Variants in ENTREP2 observed in about 807,000 individuals in gnomAD.
ENTREP2 encodes the protein protein ENTREP2.
chr15:29,534,873 A>T, the ENTREP2 span, among the ~76,000 whole-genome samples: 1 of 152,262 alleles, frequency 6.6e-6, no homozygotes, highest in African/African-American at 2.4e-5. Context: ...AGACTGATGG[A>T]CTGATAAGTG....
the ENTREP2 span, among the ~76,000 whole-genome samples, chr15:29,302,427 G>C: frequency 1.3e-5 from 2 of 152,140 alleles, no homozygotes; most frequent in Non-Finnish European, 2.9e-5. Context: ...GGAAGATGCA[G>C]CTCACTCACA....
the ENTREP2 span, among the ~76,000 whole-genome samples, chr15:29,526,639 T>A: frequency 0.03 from 4,346 of 146,302 alleles, 83 homozygotes; most frequent in African/African-American, 0.067. Context: ...TATAAAAAAA[T>A]TTTTTTTTTT....
chr15:29,223,718 T>C, the ENTREP2 span, among the ~76,000 whole-genome samples: 1 of 151,024 alleles, frequency 6.6e-6, no homozygotes, highest in Non-Finnish European at 1.5e-5. Flanking sequence ...AGGGTGGGGG[T>C]GGAGGGAATG....
the ENTREP2 span, among the ~76,000 whole-genome samples, chr15:29,509,671 T>G: frequency 6.6e-4 from 100 of 152,264 alleles, no homozygotes; most frequent in Non-Finnish European, 1.2e-3. Flanking sequence ...CCATATTTAG[T>G]AAATGGTGTT....
the ENTREP2 span, among the ~76,000 whole-genome samples, chr15:29,202,185 A>G: frequency 1.3e-5 from 2 of 152,090 alleles, no homozygotes; most frequent in East Asian, 3.9e-4. Flanking sequence ...AGTTTTGTCA[A>G]TGTTGTTGAT....
chr15:29,630,928 C>T, the ENTREP2 span, among the ~76,000 whole-genome samples: 1,151 of 152,276 alleles, frequency 7.6e-3, 17 homozygotes, highest in African/African-American at 0.026. Flanking sequence ...GGTGATCCCC[C>T]GCCTCGGCCT....
the ENTREP2 span, among the ~76,000 whole-genome samples, chr15:29,414,634 A>G: frequency 6.6e-6 from 1 of 152,218 alleles, no homozygotes; most frequent in South Asian, 2.1e-4. Flanking sequence ...GCAGAAGGCA[A>G]GAAATAACTA....
At chr15:29,319,204 A>G in the ENTREP2 span, among the ~76,000 whole-genome samples, 1 of 152,244 alleles carries the variant, frequency 6.6e-6, no homozygotes, top group African/African-American at 2.4e-5. Context: ...ACTTCAGATG[A>G]ACGGAAATCT....
the ENTREP2 span, among the ~76,000 whole-genome samples, chr15:29,259,435 T>A: frequency 1.3e-5 from 2 of 152,116 alleles, no homozygotes; most frequent in African/African-American, 4.8e-5. Flanking sequence ...AGTACCTGCC[T>A]GAGAAAATTC....
the ENTREP2 span, among the ~76,000 whole-genome samples, chr15:29,262,823 C>T: frequency 6.6e-6 from 1 of 152,296 alleles, no homozygotes; most frequent in Admixed American, 6.5e-5. Context: ...AGTGGGCAGT[C>T]TTGGGGACTA....
At chr15:29,546,402 G>A in the ENTREP2 span, among the ~76,000 whole-genome samples, 1 of 152,030 alleles carries the variant, frequency 6.6e-6, no homozygotes, top group Non-Finnish European at 1.5e-5. Context: ...AAACTACTGG[G>A]AGTAGAAACC....
the ENTREP2 span, among the ~76,000 whole-genome samples, chr15:29,524,934 T>C: frequency 6.6e-6 from 1 of 152,242 alleles, no homozygotes; most frequent in African/African-American, 2.4e-5. Flanking sequence ...ATCCCGATCA[T>C]TGTCCCTCCC....
At chr15:29,462,244 T>C in the ENTREP2 span, among the ~76,000 whole-genome samples, 2 of 152,192 alleles carry the variant, frequency 1.3e-5, no homozygotes, top group Non-Finnish European at 2.9e-5. Context: ...GCCTCTGCTT[T>C]CCATCCTTTG....
chr15:29,180,199 T>C, the ENTREP2 span, among the ~76,000 whole-genome samples: 1 of 152,158 alleles, frequency 6.6e-6, no homozygotes, highest in Non-Finnish European at 1.5e-5. Flanking sequence ...CCAGATCTAA[T>C]GGACATGTAC....
At chr15:29,384,724 C>A in the ENTREP2 span, among the ~76,000 whole-genome samples, 1 of 152,110 alleles carries the variant, frequency 6.6e-6, no homozygotes, top group East Asian at 1.9e-4. Context: ...TCCGAGACAG[C>A]CCCCATCTTC....
chr15:29,158,398 T>C, the ENTREP2 span, among the ~76,000 whole-genome samples: 1 of 134,328 alleles, frequency 7.4e-6, no homozygotes, highest in Non-Finnish European at 1.5e-5. Flanking sequence ...AATGACATTA[T>C]CTCTGCCTTT....
the ENTREP2 span, among the ~76,000 whole-genome samples, chr15:29,456,859 C>A: frequency 4.5e-4 from 68 of 152,144 alleles, no homozygotes; most frequent in Admixed American, 4.5e-3. Flanking sequence ...GTGGACTCAT[C>A]AGTTACTTGG....
the ENTREP2 span, among the ~76,000 whole-genome samples, chr15:29,474,867 C>A: frequency 6.6e-6 from 1 of 152,152 alleles, no homozygotes; most frequent in African/African-American, 2.4e-5. Flanking sequence ...AAGGTCATTT[C>A]TTCGGGGGAT....
At chr15:29,205,243 T>A in the ENTREP2 span, among the ~76,000 whole-genome samples, 1 of 152,256 alleles carries the variant, frequency 6.6e-6, no homozygotes, top group Non-Finnish European at 1.5e-5. Context: ...TGGGATGTTT[T>A]CAGCTCTTGG....
Sources: gnomAD v4.1 joint callset for allele counts (sites outside exome capture counted in the v4.1 genomes callset) on GRCh38, gnomAD v4.1.1 for gene constraint, MANE v1.5 for transcripts, NCBI Gene and HGNC (gene_info 2026-07-23, HGNC 2026-07-21) for gene names.